Variants in ZC2HC1B observed in about 807,000 individuals in gnomAD.
ZC2HC1B encodes the protein zinc finger C2HC domain-containing protein 1B.
ZC2HC1B carries 36 observed loss-of-function variants against 31.0 expected under a neutral mutation model. The observed-to-expected ratio is 1.16, with a 90% confidence interval of 0.89 to 1.54. ZC2HC1B has a LOEUF of 1.54. Among genes scored for constraint, ZC2HC1B ranks in the 40% most tolerant of loss-of-function variants. The probability of loss-of-function intolerance (pLI) is 0.00; values close to 1 mark genes in which losing one functional copy is unlikely to be tolerated. For missense variants in ZC2HC1B, 260 were observed against 268.6 expected (o/e 0.97, Z 0.22); for synonymous variants, 73 against 88.0 (o/e 0.83, Z 0.95).
In ZC2HC1B at chr6:143,872,546, T is replaced by A. The variant is rs545093594; in HGVS notation, c.28+7979T>A. ...CCCACTATATTTATTTTTTATTTTT[T>A]AAATTTATGTATTAGTCTATTTTCA... On this transcript the variant is annotated intron_variant, in intron 1 of 7. Transcript: ENST00000237275. This position sits in a 1 kb window ranked among gnomAD's most constrained non-coding sequence, Gnocchi z 5.5. Among the ~76,000 whole-genome samples, 3 of 152,304 alleles carry A rather than the reference T, an allele frequency of 2.0e-5. No homozygotes were observed. Among genetic ancestry groups the A allele is most frequent in the South Asian group, 2.1e-4 (1 of 4,824 alleles).
chr6:143,870,142 A>G lies in ZC2HC1B; in HGVS notation c.28+5575A>G, dbSNP rs544968896. ...GCCAAACTACTGGCAACAGCCCATG[A>G]ATCAGTATATAATTGCACATCTGAC... On this transcript the variant is annotated intron_variant, in intron 1 of 7. Coordinates refer to ENST00000237275, the MANE Select transcript of ZC2HC1B (RefSeq NM_001013623.3). This position sits in a 1 kb window ranked among gnomAD's most constrained non-coding sequence, Gnocchi z 4.7. 6.6e-6 allele frequency among the ~76,000 whole-genome samples: 1 copy of G among 152,324 alleles called. No homozygotes were observed. The highest frequency in any genetic ancestry group is 2.4e-5 in the African/African-American group (1 of 41,578).
At chr6:143,879,798 T>G (rs1392424530) in intron 1 of ZC2HC1B, among the ~76,000 whole-genome samples, 5 of 151,228 alleles carry the variant, frequency 3.3e-5, no homozygotes, top group Non-Finnish European at 4.4e-5. Flanking sequence ...TTTGTTTTTT[T>G]TTTTTTCCTG....
chr6:143,937,557 T>G (rs545176743), intron 6 of ZC2HC1B, 92 bp from the exon 7 acceptor site: 47 of 1,178,132 alleles, frequency 4.0e-5, no homozygotes, highest in Non-Finnish European at 5.2e-5. Flanking sequence ...AATAGAAACT[T>G]TTGAACCCAT....
In ZC2HC1B at chr6:143,890,965, T is replaced by TA. The variant is rs1265939148; in HGVS notation, c.349+4152dup. On this transcript the variant is annotated intron_variant, in intron 4 of 7. Transcript: ENST00000237275. ...CAAGATGGTGAAACCCCGTCTCTAC[T>TA]AAAAAAAATACAAAAATTAGCCGGG... Among the ~76,000 whole-genome samples the TA allele has an allele frequency of 7.3e-5, 11 of 150,746 alleles. No homozygotes were observed. In the East Asian group the frequency reaches 1.2e-3, roughly 16 times the overall value.
chr6:143,894,403 A>G (rs1415643194), intron 4 of ZC2HC1B, among the ~76,000 whole-genome samples: 1 of 152,228 alleles, frequency 6.6e-6, no homozygotes, highest in Non-Finnish European at 1.5e-5. Context: ...TGAGGTGGTT[A>G]AAATGGATAC....
chr6:143,882,432 T>C (rs1019262431), intron 1 of ZC2HC1B, among the ~76,000 whole-genome samples: 17 of 148,024 alleles, frequency 1.1e-4, no homozygotes, highest in Non-Finnish European at 2.1e-4. Flanking sequence ...TTCTGTGTGC[T>C]GTGATGGATG....
At chr6:143,925,165 CT>C (rs71024879) in intron 6 of ZC2HC1B, among the ~76,000 whole-genome samples, 1,765 of 104,064 alleles carry the variant, frequency 0.017, 65 homozygotes, top group African/African-American at 0.063. Flanking sequence ...AATCTCATTC[CT>C]TTTTTTTTTT....
intron 6 of ZC2HC1B, among the ~76,000 whole-genome samples, chr6:143,925,598 G>A (rs1309236542): frequency 6.8e-6 from 1 of 146,446 alleles, no homozygotes; most frequent in Non-Finnish European, 1.5e-5. Context: ...GTGTAGTGGC[G>A]CGATCTCGTC....
intron 6 of ZC2HC1B, among the ~76,000 whole-genome samples, chr6:143,930,859 A>T (rs1778111176): frequency 6.6e-6 from 1 of 152,116 alleles, no homozygotes; most frequent in Non-Finnish European, 1.5e-5. Context: ...GTTATTGGGT[A>T]GAATATTCTG....
chr6:143,877,201 T>A (rs2128493467), intron 1 of ZC2HC1B, among the ~76,000 whole-genome samples: 1 of 149,918 alleles, frequency 6.7e-6, no homozygotes, highest in South Asian at 2.2e-4. Flanking sequence ...TTACTTTATT[T>A]TCTGGGAGAT....
Position 143,868,625 on chromosome 6 carries a change from G to A in ZC2HC1B, c.28+4058G>A, listed in dbSNP as rs993194822. Among the ~76,000 whole-genome samples the A allele has an allele frequency of 3.3e-5, 5 of 152,078 alleles. No individual in the cohort carries two copies. Among genetic ancestry groups the A allele is most frequent in the Non-Finnish European group, 5.9e-5 (4 of 68,012 alleles). Reference sequence around the variant, plus strand: ...AGACACACCCAGGATCAATAACTTTGCATCCTTCTTTCCAATCAGGTTGAC... The same window carrying A: ...AGACACACCCAGGATCAATAACTTTACATCCTTCTTTCCAATCAGGTTGAC... On this transcript the variant is annotated intron_variant, in intron 1 of 7. Transcript: ENST00000237275. This position sits in a 1 kb window ranked among gnomAD's most constrained non-coding sequence, Gnocchi z 4.2.
rs1777422089 is a variant in ZC2HC1B at position 143,877,437 on chromosome 6, C to T, written c.29-6867C>T. ...AGCTGGAATTACAGGCATGTACCAC[C>T]ACGCCTGGCTAATTTTTGTATTTTT... On this transcript the variant is annotated intron_variant, in intron 1 of 7. Transcript: ENST00000237275. Among the ~76,000 whole-genome samples, 2 of 148,906 alleles carry T rather than the reference C, an allele frequency of 1.3e-5. 1 individual carries two copies. The highest frequency in any genetic ancestry group is 3.0e-5 in the Non-Finnish European group (2 of 67,228).
intron 1 of ZC2HC1B, among the ~76,000 whole-genome samples, chr6:143,880,738 C>G (rs920308688): frequency 1.3e-5 from 2 of 151,828 alleles, no homozygotes; most frequent in African/African-American, 4.8e-5. Flanking sequence ...TCCTATAAAA[C>G]TTTATTTACA....
At chr6:143,920,779 G>T (rs931944307) in intron 6 of ZC2HC1B, among the ~76,000 whole-genome samples, 1 of 151,746 alleles carries the variant, frequency 6.6e-6, no homozygotes, top group Non-Finnish European at 1.5e-5. Flanking sequence ...GTGGTGGGAC[G>T]TGCCTGTAAT....
In ZC2HC1B at chr6:143,879,728, CT is replaced by C; in HGVS notation, c.29-4571del. Among the ~76,000 whole-genome samples, 5 of 148,574 alleles carry C rather than the reference CT, an allele frequency of 3.4e-5. 1 individual carries two copies. The highest frequency in any genetic ancestry group is 3.3e-4 in the Admixed American group (5 of 14,964). On this transcript the variant is annotated intron_variant, in intron 1 of 7. Coordinates refer to ENST00000237275, the MANE Select transcript of ZC2HC1B (RefSeq NM_001013623.3). ...ATATCTGGTCAAAAGTAAAGTAAAACTTTTTCAATTTTAATCTAACCCTAAT... is the reference window on the plus strand; with the variant it reads ...ATATCTGGTCAAAAGTAAAGTAAAACTTTTCAATTTTAATCTAACCCTAAT...
chr6:143,907,247 T>G (rs1321160216), intron 6 of ZC2HC1B, among the ~76,000 whole-genome samples: 1 of 152,224 alleles, frequency 6.6e-6, no homozygotes, highest in Non-Finnish European at 1.5e-5. Context: ...AAAATACATG[T>G]GCATGTATCT....
At chr6:143,937,944 A>G (rs1197617608) in intron 7 of ZC2HC1B, among the ~76,000 whole-genome samples, 198 bp from the exon 8 acceptor site, 1 of 152,186 alleles carries the variant, frequency 6.6e-6, no homozygotes, top group Non-Finnish European at 1.5e-5. Context: ...AGGAAAGGGG[A>G]ATGATCCCTC....
At chr6:143,916,603 G>A (rs1401049791) in intron 6 of ZC2HC1B, among the ~76,000 whole-genome samples, 1 of 152,222 alleles carries the variant, frequency 6.6e-6, no homozygotes, top group Non-Finnish European at 1.5e-5. Context: ...AAGCCCCAGG[G>A]GTGGAGCTAC....
At chr6:143,937,858 G>A (rs1778196701) in intron 7 of ZC2HC1B, 125 bp downstream of exon 7, 1 of 633,774 alleles carries the variant, frequency 1.6e-6, no homozygotes, top group Non-Finnish European at 2.7e-6. Flanking sequence ...TTAACAAAAT[G>A]TATGCTCTTG....
Sources: gnomAD v4.1 joint callset for allele counts (sites outside exome capture counted in the v4.1 genomes callset) on GRCh38, gnomAD v4.1.1 for gene constraint, Gnocchi (gnomAD v3.1) non-coding constraint, MANE v1.5 for transcripts, NCBI Gene and HGNC (gene_info 2026-07-23, HGNC 2026-07-21) for gene names.